FER: variants seen among roughly 807,000 people sequenced by gnomAD.
FER encodes the protein FER tyrosine kinase, also known as tyrosine-protein kinase Fer.
Under a neutral mutation model 111.0 loss-of-function variants are expected in FER, and 63 were observed. The ratio of observed to expected loss-of-function variants is 0.57; its 90% CI spans 0.46 to 0.70. The LOEUF (loss-of-function observed/expected upper bound fraction) is 0.70. Among genes scored for constraint, FER ranks in the 30% least tolerant of loss-of-function variants. FER has a pLI of 0.00. For synonymous variants in FER, 327 were observed against 313.9 expected (o/e 1.04, Z -0.44); for missense variants, 914 against 954.0 (o/e 0.96, Z 0.55).
At chr5:109,095,501 A>T (rs918344574) in intron 16 of FER, among the ~76,000 whole-genome samples, 2 of 152,014 alleles carry the variant, frequency 1.3e-5, no homozygotes, top group Admixed American at 1.3e-4. Flanking sequence ...CCCATCTCTC[A>T]TAAATATACC....
chr5:109,148,336 T>C (rs1039026772), intron 17 of FER, among the ~76,000 whole-genome samples: 2 of 152,126 alleles, frequency 1.3e-5, no homozygotes, highest in Non-Finnish European at 2.9e-5. Flanking sequence ...GGTTTTCAGG[T>C]TCTCATAGAT....
intron 19 of FER, among the ~76,000 whole-genome samples, chr5:109,187,229 T>G (rs1758977450): frequency 6.6e-6 from 1 of 152,204 alleles, no homozygotes; most frequent in Non-Finnish European, 1.5e-5. Context: ...AAATGTTCTT[T>G]GAATTAGAAC....
chr5:108,954,792 A>G lies in FER; in HGVS notation c.1393A>G (p.Ile465Val). 3 of 1,612,328 alleles carry G rather than the reference A, an allele frequency of 1.9e-6. No individual in the cohort carries two copies. Among genetic ancestry groups the G allele is most frequent in the Non-Finnish European group, 2.5e-6 (3 of 1,179,060 alleles). The change falls in exon 12 of 20, where the codon ATT (isoleucine) becomes GTT (valine). Residue 465 changes from isoleucine to valine, a missense_variant. Ile to Val is a conservative substitution (Grantham distance 29). Around this residue, in one of 3 missense-constraint regions of FER, gnomAD observed 774 missense variants for 782.6 expected, o/e 0.99. Coordinates refer to ENST00000281092, the MANE Select transcript of FER (RefSeq NM_005246.4). Reference protein sequence around the residue: ...LAEQDWYHGAIPRIEAQELLK... With the variant: ...LAEQDWYHGAVPRIEAQELLK... ...AGAACAGGACTGGTACCATGGTGCA[A>G]TTCCCAGAATAGAAGCTCAAGAACT...
chr5:109,154,765 A>AATTTGGACCC (rs1446559700), intron 17 of FER, among the ~76,000 whole-genome samples: 2 of 151,970 alleles, frequency 1.3e-5, no homozygotes, highest in African/African-American at 4.8e-5. Context: ...CCTAAAATGA[A>AATTTGGACCC]AAAATGACTC....
chr5:109,022,438 A>T (rs981736732), intron 13 of FER, among the ~76,000 whole-genome samples: 2 of 152,136 alleles, frequency 1.3e-5, no homozygotes, highest in Non-Finnish European at 2.9e-5. Context: ...GACTTCTCCT[A>T]TACTGCCATG....
intron 13 of FER, among the ~76,000 whole-genome samples, chr5:109,005,840 C>T (rs1765428972): frequency 6.6e-6 from 1 of 152,196 alleles, no homozygotes; most frequent in African/African-American, 2.4e-5. Flanking sequence ...AAGTGTCTCA[C>T]TGTTGTAAGA....
chr5:108,928,622 T>G (rs1754120091), intron 10 of FER, among the ~76,000 whole-genome samples: 1 of 152,104 alleles, frequency 6.6e-6, no homozygotes, highest in African/African-American at 2.4e-5. Context: ...ATACTCAGTT[T>G]CTAATTAATT....
chr5:108,856,804 G>A (rs183688408), intron 5 of FER, among the ~76,000 whole-genome samples: 15 of 151,580 alleles, frequency 9.9e-5, no homozygotes, highest in South Asian at 4.2e-4. Context: ...TTAATATTAC[G>A]TGTAGTGGAA....
chr5:109,058,186 G>A (rs575935343), intron 16 of FER, among the ~76,000 whole-genome samples: 5 of 151,002 alleles, frequency 3.3e-5, no homozygotes, highest in Admixed American at 2.0e-4. Flanking sequence ...TCTGTAAACA[G>A]GAATAGAAAA....
chr5:108,972,922 A>G (rs548686635), intron 13 of FER, among the ~76,000 whole-genome samples: 29 of 152,120 alleles, frequency 1.9e-4, no homozygotes, highest in Non-Finnish European at 3.7e-4. Context: ...TGAGTTTTCC[A>G]TGTAGTTACA....
At chr5:108,959,426 T>A (rs910648894) in intron 13 of FER, 79 bp downstream of exon 13, 2 of 1,460,046 alleles carry the variant, frequency 1.4e-6, no homozygotes, top group African/African-American at 2.9e-5. Flanking sequence ...GTAAATAAAA[T>A]TCTTAGGTTA....
intron 9 of FER, among the ~76,000 whole-genome samples, chr5:108,890,868 G>A (rs1291480053): frequency 6.6e-6 from 1 of 152,052 alleles, no homozygotes; most frequent in Non-Finnish European, 1.5e-5. Context: ...TTATGTATAG[G>A]TTTTTATGTG....
At chr5:108,758,490 T>C (rs909369262) in intron 1 of FER, among the ~76,000 whole-genome samples, 1 of 152,236 alleles carries the variant, frequency 6.6e-6, no homozygotes, top group Admixed American at 6.5e-5. Context: ...GTATATTCTC[T>C]TTAGGTACAG....
chr5:108,806,597 C>G (rs1362981954), intron 3 of FER, among the ~76,000 whole-genome samples: 1 of 152,220 alleles, frequency 6.6e-6, no homozygotes, highest in Non-Finnish European at 1.5e-5. Context: ...GAACCCGCCT[C>G]TTGCATCTGC....
intron 13 of FER, among the ~76,000 whole-genome samples, chr5:108,968,357 A>G (rs1345604401): frequency 6.6e-6 from 1 of 152,150 alleles, no homozygotes; most frequent in Non-Finnish European, 1.5e-5. Flanking sequence ...ACTGCCCTCT[A>G]GCCTGGGCCA....
At chr5:108,866,274 T>C (rs1441133826) in intron 5 of FER, among the ~76,000 whole-genome samples, 1 of 152,210 alleles carries the variant, frequency 6.6e-6, no homozygotes, top group Non-Finnish European at 1.5e-5. Flanking sequence ...GATGAGTTCA[T>C]GTCCTTTGTA....
intron 2 of FER, among the ~76,000 whole-genome samples, chr5:108,791,090 T>C (rs1447899357): frequency 1.3e-5 from 2 of 152,242 alleles, no homozygotes; most frequent in Non-Finnish European, 2.9e-5. Flanking sequence ...CTATTGTGAA[T>C]AATGTTGCTT....
At chr5:108,753,906 GT>G (rs1750778472) in intron 1 of FER, among the ~76,000 whole-genome samples, 1 of 152,114 alleles carries the variant, frequency 6.6e-6, no homozygotes, top group African/African-American at 2.4e-5. Flanking sequence ...ACAGATTTTT[GT>G]GATCCAAGTC....
intron 10 of FER, among the ~76,000 whole-genome samples, chr5:108,915,249 G>T (rs1428742783): frequency 6.6e-6 from 1 of 152,106 alleles, no homozygotes; most frequent in African/African-American, 2.4e-5. Flanking sequence ...GAGGCAGTTG[G>T]ATCACCTGAG....
Sources: gnomAD v4.1 joint callset for allele counts (sites outside exome capture counted in the v4.1 genomes callset) on GRCh38, gnomAD v4.1.1 for gene constraint, gnomAD v4.1.1 regional missense constraint, MANE v1.5 for transcripts, NCBI Gene and HGNC (gene_info 2026-07-23, HGNC 2026-07-21) for gene names.